The following LRP5 variants were observed in gnomAD, a reference collection of about 807,000 sequenced individuals.
The protein encoded by LRP5 is low-density lipoprotein receptor-related protein 5.
Under a neutral mutation model 154.1 loss-of-function variants are expected in LRP5, and 62 were observed. That is an observed-to-expected ratio of 0.40 (90% CI 0.33 to 0.50). LRP5 has a LOEUF of 0.50. Among genes scored for constraint, LRP5 ranks in the 20% least tolerant of loss-of-function variants. The probability of loss-of-function intolerance (pLI) is 0.55; values close to 1 mark genes in which losing one functional copy is unlikely to be tolerated. For missense variants in LRP5, 1,915 were observed against 2,336.7 expected (o/e 0.82, Z 3.72); for synonymous variants, 966 against 1,011.5 (o/e 0.96, Z 0.85).
Position 68,317,063 on chromosome 11 carries a change from C to A in LRP5, c.91+4258C>A, listed in dbSNP as rs533228608. Among the ~76,000 whole-genome samples, 15 of 152,334 alleles carry A rather than the reference C, an allele frequency of 9.8e-5. No individual in the cohort carries two copies. In the East Asian group the frequency reaches 2.9e-3, roughly 29 times the overall value. ...GAAGCAGCAGGGTGTGGGCTCTGTG[C>A]CAGGCCGCCCTGGAGGGCTGTCCTG... On this transcript the variant is annotated intron_variant, in intron 1 of 22. Transcript: ENST00000294304.
rs927918659 is a variant in LRP5, at chr11:68,413,331, G to T, written c.2504-358G>T. 1.2e-5 allele frequency: 5 copies of T among 423,446 alleles called. No homozygotes were observed. Among genetic ancestry groups the T allele is most frequent in the Non-Finnish European group, 2.2e-5 (5 of 227,220 alleles). 26.2% of individuals were successfully genotyped at this position (423,446 alleles called of 1,614,324 possible). A position where few individuals can be genotyped will look rare whatever the true frequency, so the allele number is the denominator to read the frequency against. ...ACGTGTTTTGGACTTAAACGCTCCGGATGTTTACTGAGTGCTTGATTAATA... is the reference window on the plus strand; with the variant it reads ...ACGTGTTTTGGACTTAAACGCTCCGTATGTTTACTGAGTGCTTGATTAATA... On this transcript the variant is annotated intron_variant, in intron 11 of 22. Coordinates refer to ENST00000294304, the MANE Select transcript of LRP5 (RefSeq NM_002335.4). The surrounding 1 kb of genome is among the most constrained non-coding windows in gnomAD (Gnocchi z 5.1).
In LRP5 at chr11:68,423,659, C is replaced by T. The variant is rs370274326; in HGVS notation, c.3198C>T (p.Arg1066=). ...TGGGGGTGGTGCTGCGTGGGGACCG[C>T]GACAAGCCCAGGGCCATCGTCGTCA... The part of the protein sequence containing the change: ...EAMGVVLRGD[R]DKPRAIVVNA... The change falls in exon 14 of 23, where the codon CGC becomes CGT. Residue 1066 remains arginine, a synonymous_variant. Transcript: ENST00000294304. This position sits in a 1 kb window ranked among gnomAD's most constrained non-coding sequence, Gnocchi z 4.7. 1.1e-5 allele frequency: 18 copies of T among 1,613,782 alleles called. No homozygotes were observed. Among genetic ancestry groups the T allele is most frequent in the East Asian group, 6.7e-5 (3 of 44,880 alleles).
At chr11:68,404,330 T>C in intron 8 of LRP5, 1 of 530,260 alleles carries the variant, frequency 1.9e-6, no homozygotes, top group Non-Finnish European at 3.7e-6. Context: ...TGCACCTGCT[T>C]GTCAGAGGCA....
chr11:68,347,751 C>A, intron 1 of LRP5, 96 bp from the exon 2 acceptor site: 1 of 1,424,530 alleles, frequency 7.0e-7, no homozygotes, highest in East Asian at 2.3e-5. Context: ...ATGGGCAGGG[C>A]AGTACCAGGA....
rs1782162597 is a variant in LRP5 at position 68,444,269 on chromosome 11, C to T, written c.4489-2167C>T. ...GTGGCTCACACCTGTCATCCCAGCA[C>T]TTTGGGAGACCAAGGCGGGTGGATC... On this transcript the variant is annotated intron_variant, in intron 21 of 22. Transcript: ENST00000294304. 2.6e-5 allele frequency among the ~76,000 whole-genome samples: 4 copies of T among 152,220 alleles called. No individual in the cohort carries two copies. In the South Asian group the frequency reaches 8.3e-4, roughly 32 times the overall value.
At chr11:68,437,631 C>G (rs2098675739) in intron 19 of LRP5, among the ~76,000 whole-genome samples, 1 of 152,360 alleles carries the variant, frequency 6.6e-6, no homozygotes, top group Non-Finnish European at 1.5e-5. Context: ...GGGACCTGGG[C>G]TGAGAGCTCC....
intron 3 of LRP5, 25 bp from the exon 4 acceptor site, chr11:68,363,722 C>T (rs1416479120): frequency 6.2e-7 from 1 of 1,604,614 alleles, no homozygotes; most frequent in Non-Finnish European, 8.5e-7. Flanking sequence ...CTGATGGCTC[C>T]TCCACCCCGC....
chr11:68,369,328 C>G (rs1353247999), intron 5 of LRP5, among the ~76,000 whole-genome samples: 2 of 152,056 alleles, frequency 1.3e-5, no homozygotes, highest in Non-Finnish European at 2.9e-5. Flanking sequence ...TTGCCACCAT[C>G]GATTGGTGAT....
At chr11:68,397,837 A>G (rs2098650288) in intron 7 of LRP5, among the ~76,000 whole-genome samples, 1 of 152,002 alleles carries the variant, frequency 6.6e-6, no homozygotes, top group African/African-American at 2.4e-5. Flanking sequence ...GGCACCCCTG[A>G]CTTTTGCTAA....
chr11:68,401,816 G>A (rs1408189976), intron 7 of LRP5, among the ~76,000 whole-genome samples: 2 of 152,140 alleles, frequency 1.3e-5, no homozygotes, highest in Non-Finnish European at 2.9e-5. Context: ...AGCCTCCCGA[G>A]CAGCTGGGAT....
At chr11:68,437,096 G>C in intron 19 of LRP5, 97 bp downstream of exon 19, 6 of 1,028,206 alleles carry the variant, frequency 5.8e-6, no homozygotes, top group Non-Finnish European at 8.9e-6. Context: ...AGCGGGGCTG[G>C]GGGCTGTGTG....
chr11:68,383,371 C>T (rs1483768866), intron 5 of LRP5, among the ~76,000 whole-genome samples: 5 of 152,208 alleles, frequency 3.3e-5, no homozygotes, highest in Non-Finnish European at 7.3e-5. Flanking sequence ...CTGTAGACAT[C>T]GTGTGGATGG....
chr11:68,444,483 C>T (rs2098680365), intron 21 of LRP5, among the ~76,000 whole-genome samples: 2 of 152,130 alleles, frequency 1.3e-5, no homozygotes, highest in East Asian at 3.9e-4. Flanking sequence ...TGCCATTGTA[C>T]TCCAGCCTGG....
chr11:68,440,123 A>G (rs931471505), intron 21 of LRP5, among the ~76,000 whole-genome samples: 2 of 152,206 alleles, frequency 1.3e-5, no homozygotes, highest in African/African-American at 4.8e-5. Flanking sequence ...ACACAAAAAT[A>G]TAAAGAGCCA....
At chr11:68,435,332 A>G (rs1262974606) in intron 18 of LRP5, among the ~76,000 whole-genome samples, 1 of 152,192 alleles carries the variant, frequency 6.6e-6, no homozygotes, top group Non-Finnish European at 1.5e-5. Flanking sequence ...TAGATTATGA[A>G]GGAAAGAGGT....
At chr11:68,359,950 C>A (rs1347401237) in intron 3 of LRP5, among the ~76,000 whole-genome samples, 2 of 152,114 alleles carry the variant, frequency 1.3e-5, no homozygotes, top group Admixed American at 6.5e-5. Context: ...CCACGCCTGG[C>A]AAATTGTTGT....
intron 15 of LRP5, 96 bp downstream of exon 15, chr11:68,425,388 C>A: frequency 7.8e-7 from 1 of 1,280,632 alleles, no homozygotes; most frequent in Non-Finnish European, 1.1e-6. Context: ...GCCGTGAGCC[C>A]AGTGCCGCGC....
chr11:68,383,144 C>T (rs752792256), intron 5 of LRP5, among the ~76,000 whole-genome samples: 8 of 152,158 alleles, frequency 5.3e-5, no homozygotes, highest in Non-Finnish European at 1.2e-4. Flanking sequence ...TCCCAAAGTG[C>T]TGGGATTACA....
chr11:68,406,486 G>A (rs747019385), intron 8 of LRP5, 38 bp from the exon 9 acceptor site: 16 of 1,609,954 alleles, frequency 9.9e-6, no homozygotes, highest in Non-Finnish European at 1.4e-5. Flanking sequence ...CTGCTGGGCT[G>A]TTGATGTTTA....
Sources: allele counts gnomAD v4.1 joint callset (sites outside exome capture counted in the v4.1 genomes callset), GRCh38; gene constraint gnomAD v4.1.1; non-coding constraint Gnocchi (gnomAD v3.1); transcripts MANE v1.5; gene names NCBI Gene and HGNC (gene_info 2026-07-23, HGNC 2026-07-21).